NPAS3: variants seen among roughly 807,000 people sequenced by gnomAD.
NPAS3 encodes the protein neuronal PAS domain protein 3.
NPAS3 carries 14 observed loss-of-function variants against 73.1 expected under a neutral mutation model. That is an observed-to-expected ratio of 0.19 (90% CI 0.13 to 0.30). The LOEUF (loss-of-function observed/expected upper bound fraction) is 0.30, where lower values mean the gene tolerates loss of function less well. Among genes scored for constraint, NPAS3 ranks in the 10% least tolerant of loss-of-function variants. The probability of loss-of-function intolerance (pLI) is 1.00; values close to 1 mark genes in which losing one functional copy is unlikely to be tolerated. For synonymous variants in NPAS3, 620 were observed against 541.5 expected, an observed-to-expected ratio of 1.14 and a Z score of -2.01; for missense variants, 1,096 against 1,250.0, an observed-to-expected ratio of 0.88 and a Z score of 1.86.
intron 4 of NPAS3, among the ~76,000 whole-genome samples, chr14:33,455,871 G>T (rs73262799): frequency 6.6e-6 from 1 of 152,222 alleles, no homozygotes; most frequent in African/African-American, 2.4e-5. Context: ...GCTGTTTCCT[G>T]CAAAGCATCT....
exon 3 of NPAS3, chr14:33,215,412 A>C: frequency 6.2e-7 from 1 of 1,613,934 alleles, no homozygotes; most frequent in East Asian, 2.2e-5. Flanking sequence ...CCTCCACCTA[A>C]CACATCAGTA....
At chr14:33,634,226 T>C (rs562997769) in intron 5 of NPAS3, among the ~76,000 whole-genome samples, 1 of 152,336 alleles carries the variant, frequency 6.6e-6, no homozygotes, top group African/African-American at 2.4e-5. Context: ...ACATGGTGTT[T>C]CTAAAACGTC....
intron 4 of NPAS3, among the ~76,000 whole-genome samples, chr14:33,394,354 G>A (rs548404228): frequency 4.6e-5 from 7 of 152,230 alleles, no homozygotes; most frequent in African/African-American, 1.4e-4. Context: ...AAGGGGCACG[G>A]TATATATTTC....
At chr14:33,204,383 C>G (rs1436507044) in intron 2 of NPAS3, among the ~76,000 whole-genome samples, 1 of 152,066 alleles carries the variant, frequency 6.6e-6, no homozygotes. Flanking sequence ...AATGAAAAAG[C>G]AAAGAATGAT....
intron 2 of NPAS3, among the ~76,000 whole-genome samples, chr14:33,210,564 GATCTTTTGAAAGATC>G (rs1364984231): frequency 6.6e-6 from 1 of 152,026 alleles, no homozygotes; most frequent in East Asian, 1.9e-4. Context: ...TTAGGTTTGT[GATCTTTTGAAAGATC>G]ATCTTGTCTA....
At chr14:33,704,427 T>C (rs189684652) in intron 6 of NPAS3, among the ~76,000 whole-genome samples, 3 of 152,354 alleles carry the variant, frequency 2.0e-5, no homozygotes, top group East Asian at 1.9e-4. Flanking sequence ...GCTATGGTTG[T>C]AGTTAAGACA....
chr14:33,042,585 A>G (rs557606162), intron 1 of NPAS3, among the ~76,000 whole-genome samples: 45 of 152,332 alleles, frequency 3.0e-4, no homozygotes, highest in Non-Finnish European at 5.4e-4. Context: ...CTATTTAATT[A>G]TGTCCATTAT....
intron 4 of NPAS3, among the ~76,000 whole-genome samples, chr14:33,471,961 C>T (rs1249398214): frequency 6.6e-6 from 1 of 152,234 alleles, no homozygotes; most frequent in Non-Finnish European, 1.5e-5. Flanking sequence ...GTGAACTACA[C>T]ATGTGAGGGA....
intron 4 of NPAS3, among the ~76,000 whole-genome samples, chr14:33,523,112 G>T (rs1045964170): frequency 3.3e-5 from 5 of 152,192 alleles, no homozygotes; most frequent in African/African-American, 1.2e-4. Flanking sequence ...TTATAATCCA[G>T]TAGAAGAAAT....
At chr14:33,294,866 A>G (rs1000536596) in intron 3 of NPAS3, among the ~76,000 whole-genome samples, 2 of 152,192 alleles carry the variant, frequency 1.3e-5, no homozygotes, top group African/African-American at 4.8e-5. Flanking sequence ...TCAGATGGTC[A>G]AGGAACCGAT....
chr14:33,657,657 ATT>A lies in NPAS3; in HGVS notation c.559-18553_559-18552del, dbSNP rs548981700. ...AGTCAGGCTCTCTTTCCACTTTACT[ATT>A]AATACTTCCCTAGACCCGGTTGCTG... On this transcript the variant is annotated intron_variant, in intron 5 of 11. Transcript: ENST00000356141. Among the ~76,000 whole-genome samples the A allele has an allele frequency of 1.6e-3, 249 of 152,280 alleles. 1 individual carries two copies. Among genetic ancestry groups the A allele is most frequent in the Non-Finnish European group, 2.9e-3 (199 of 68,018 alleles).
intron 2 of NPAS3, among the ~76,000 whole-genome samples, chr14:33,065,076 G>T (rs575111286): frequency 6.6e-5 from 10 of 152,126 alleles, no homozygotes; most frequent in Non-Finnish European, 1.3e-4. Context: ...GTTTTCAAAA[G>T]AATTTGTTTG....
intron 2 of NPAS3, among the ~76,000 whole-genome samples, chr14:33,194,302 C>T (rs1412544842): frequency 1.3e-5 from 2 of 152,122 alleles, no homozygotes; most frequent in African/African-American, 4.8e-5. Context: ...AAAGGTGCTT[C>T]CTTTTCTTTT....
intron 7 of NPAS3, among the ~76,000 whole-genome samples, chr14:33,750,996 G>C (rs2140760499): frequency 6.6e-6 from 1 of 152,268 alleles, no homozygotes; most frequent in East Asian, 1.9e-4. Flanking sequence ...TAAACAGAGG[G>C]AATGGTATCA....
intron 3 of NPAS3, among the ~76,000 whole-genome samples, chr14:33,293,457 C>G (rs2042177442): frequency 6.6e-6 from 1 of 151,972 alleles, no homozygotes; most frequent in Non-Finnish European, 1.5e-5. Context: ...AAAACATTTT[C>G]CAAAGAATAT....
At chr14:32,955,550 G>A (rs2036640995) in intron 1 of NPAS3, among the ~76,000 whole-genome samples, 1 of 152,002 alleles carries the variant, frequency 6.6e-6, no homozygotes, top group African/African-American at 2.4e-5. Context: ...CCAATATTGA[G>A]GACCATTAAC....
chr14:33,655,331 CTTTTTTTTTTTTTT>C (rs3059406), intron 5 of NPAS3, among the ~76,000 whole-genome samples: 1 of 105,886 alleles, frequency 9.4e-6, no homozygotes, highest in African/African-American at 3.8e-5. Flanking sequence ...ACCTTTGGCT[CTTTTTTTTTTTTTT>C]TTTTTTTTTT....
chr14:33,206,331 CAG>C (rs559414958), intron 2 of NPAS3, among the ~76,000 whole-genome samples: 160 of 152,214 alleles, frequency 1.1e-3, no homozygotes, highest in Non-Finnish European at 2.1e-3. Flanking sequence ...TCTTGTGAGA[CAG>C]TAAGATTTAT....
rs1429787950 is a variant in NPAS3, at chr14:33,152,156, C to T, written c.141-63026C>T. On this transcript the variant is annotated intron_variant, in intron 2 of 11. Transcript: ENST00000356141. ...AGATGCTGCTAAACATCCTACAGTG[C>T]GCAGGAAAGCCCCTGCAACAAAAAT... is the stretch of plus-strand genomic sequence containing the variant. Among the ~76,000 whole-genome samples, 5 of 151,876 alleles carry T rather than the reference C, an allele frequency of 3.3e-5. No homozygotes were observed. In the East Asian group the frequency reaches 5.8e-4, roughly 18 times the overall value.
Sources: allele counts gnomAD v4.1 joint callset (sites outside exome capture counted in the v4.1 genomes callset), GRCh38; gene constraint gnomAD v4.1.1; transcripts MANE v1.5; gene names NCBI Gene and HGNC (gene_info 2026-07-23, HGNC 2026-07-21).